INPP5K: variants seen among roughly 807,000 people sequenced by gnomAD.
INPP5K encodes the protein inositol polyphosphate-5-phosphatase K.
A neutral mutation model predicts 53.5 loss-of-function variants in INPP5K; 35 were observed. That is an observed-to-expected ratio of 0.65 (90% CI 0.50 to 0.87). INPP5K has a LOEUF of 0.87. Ranked by LOEUF, INPP5K falls within the 40% of genes least tolerant of loss-of-function variation. INPP5K has a pLI of 0.00. For missense variants in INPP5K, 550 were observed against 586.2 expected, an observed-to-expected ratio of 0.94 and a Z score of 0.64; for synonymous variants, 253 against 232.8, an observed-to-expected ratio of 1.09 and a Z score of -0.79.
chr17:1,501,495 GTACT>G (rs2075012210), intron 7 of INPP5K, among the ~76,000 whole-genome samples: 1 of 152,228 alleles, frequency 6.6e-6, no homozygotes, highest in African/African-American at 2.4e-5. Context: ...GGTGATAACA[GTACT>G]TACTTCAAAG....
At position 1,507,024 on chromosome 17, in the gene INPP5K, C is replaced by A; in HGVS notation, c.732G>T (p.Pro244=). 1 of 1,613,958 alleles carries A rather than the reference C, an allele frequency of 6.2e-7. No homozygotes were observed. Among genetic ancestry groups the A allele is most frequent in the Non-Finnish European group, 8.5e-7 (1 of 1,179,938 alleles). ...REFQEGRLLF[P]PTYKFDRNSN... ...AGTTCCTATCAAACTTGTAGGTGGG[C>A]GGGAAGAGTAGGCGGCCCTCCTGGA... is the stretch of plus-strand genomic sequence containing the variant. Residue 244 remains proline (P), a synonymous_variant, in exon 7 of 12, where the codon CCG becomes CCT. Transcript: ENST00000421807.
At chr17:1,503,699 C>G (rs1567554637) in intron 7 of INPP5K, among the ~76,000 whole-genome samples, 1 of 152,054 alleles carries the variant, frequency 6.6e-6, no homozygotes, top group Non-Finnish European at 1.5e-5. Flanking sequence ...GCCTGGGTGA[C>G]AAGAAGAAAA....
Position 1,508,196 on chromosome 17 carries a change from A to G in INPP5K, c.585T>C (p.Phe195=). 1.2e-6 allele frequency: 2 copies of G among 1,614,048 alleles called. No homozygotes were observed. Among genetic ancestry groups the G allele is most frequent in the Non-Finnish European group, 1.7e-6 (2 of 1,179,956 alleles). The change falls in exon 6 of 12, where the codon TTT becomes TTC. Residue 195 remains phenylalanine, a synonymous_variant. Transcript: ENST00000421807. ...AGTGCAACCCAAAGTCCTCGATCCG[A>G]AAGTTCATGTCTCCAAACCAGATAA... ...DLIIWFGDMN[F]RIEDFGLHFV...
At chr17:1,508,874 G>T in intron 5 of INPP5K, 1 of 313,106 alleles carries the variant, frequency 3.2e-6, no homozygotes. Context: ...ACGGTCTGCA[G>T]ACCCAGGCTC....
intron 7 of INPP5K, among the ~76,000 whole-genome samples, chr17:1,500,219 C>T (rs962814947): frequency 6.6e-6 from 1 of 152,264 alleles, no homozygotes; most frequent in Non-Finnish European, 1.5e-5. Flanking sequence ...CTTCATCTCA[C>T]ACCACTTCCC....
At position 1,497,981 on chromosome 17, in the gene INPP5K, G is replaced by A. The variant is rs776009748; in HGVS notation, c.918C>T (p.Tyr306=). Residue 306 remains tyrosine (Y), a synonymous_variant, in exon 8 of 12, where the codon TAC becomes TAT. Coordinates refer to ENST00000421807, the MANE Select transcript of INPP5K (RefSeq NM_016532.4). ...SLRGYSSHMT[Y]GISDHKPVSG... ...AGACAGGCTTGTGGTCGCTGATGCC[G>A]TACGTCATGTGGCTGCTGTAGCCCC... 20 of 1,613,930 alleles carry A rather than the reference G, an allele frequency of 1.2e-5. No individual in the cohort carries two copies. Among genetic ancestry groups the A allele is most frequent in the South Asian group, 4.4e-5 (4 of 91,090 alleles).
rs1427050311 is a variant in INPP5K at position 1,494,962 on chromosome 17, G to GA, written c.*860_*861insT. The GA allele has an allele frequency of 6.6e-6, 1 of 152,274 alleles. No homozygotes were observed. The allele number at this position is 152,274 out of a possible 1,614,324, so 9.4% of individuals were successfully genotyped here. A position where few individuals can be genotyped will look rare whatever the true frequency, so the allele number is the denominator to read the frequency against. On this transcript the variant is annotated 3_prime_UTR_variant, in exon 12 of 12. Transcript: ENST00000421807. ...TGAGGTCCCGGGGGGTCCAGGGGGG[G>GA]CCCGTCGTCAATGGCTCCTGACAAG...
At position 1,494,946 on chromosome 17, in the gene INPP5K, G is replaced by A. The variant is rs4790156; in HGVS notation, c.*877C>T. ...CTGCCTGCCCCCACTCTGAGGTCCC[G>A]GGGGGTCCAGGGGGGGCCCGTCGTC... On this transcript the variant is annotated 3_prime_UTR_variant, in exon 12 of 12. Coordinates refer to ENST00000421807, the MANE Select transcript of INPP5K (RefSeq NM_016532.4). The A allele has an allele frequency of 0.028, 4,214 of 152,400 alleles. 138 individuals carry two copies. Among genetic ancestry groups the A allele is most frequent in the Admixed American group, 0.096 (1,467 of 15,296 alleles). The allele number at this position is 152,400 out of a possible 1,614,324, so 9.4% of individuals were successfully genotyped here.
In INPP5K at chr17:1,498,112, GT is replaced by G. The variant is rs1567548291; in HGVS notation, c.786del (p.Lys262AsnfsTer14). On this transcript the variant is annotated frameshift_variant, in exon 8 of 12. Transcript: ENST00000421807. LOFTEE classifies it high-confidence loss of function. ...ATGCGATCGGTCCATGCAGGCTTGC[GT>G]TTTTTCTCACTGCAGGGGCAGGGGG... is the stretch of plus-strand genomic sequence containing the variant. Reference protein sequence around the residue: ...NSNDYDTSEKKRKPAWTDRIL... With the variant: ...NSNDYDTSEKXRKPAWTDRIL... The G allele has an allele frequency of 1.2e-6, 2 of 1,600,960 alleles. No homozygotes were observed. Among genetic ancestry groups the G allele is most frequent in the Non-Finnish European group, 1.7e-6 (2 of 1,170,612 alleles).
intron 9 of INPP5K, 80 bp downstream of exon 9, chr17:1,496,586 C>G (rs1337400001): frequency 6.4e-7 from 1 of 1,570,686 alleles, no homozygotes; most frequent in African/African-American, 1.3e-5. Flanking sequence ...TCGTCAGCAT[C>G]TGCCCAGCTC....
At position 1,496,292 on chromosome 17, in the gene INPP5K, G is replaced by T. The variant is rs114221242; in HGVS notation, c.1185+27C>A. Reference sequence around the variant, plus strand: ...AGTGCTGAGGCAGGCCTGCCTGCTGGTGATGTACCTGGTGCTGGTGACGTA... The same window carrying T: ...AGTGCTGAGGCAGGCCTGCCTGCTGTTGATGTACCTGGTGCTGGTGACGTA... On this transcript the variant is annotated intron_variant, in intron 10 of 11. Coordinates refer to ENST00000421807, the MANE Select transcript of INPP5K (RefSeq NM_016532.4). 9.4e-4 allele frequency: 1,453 copies of T among 1,547,050 alleles called. 8 individuals carry two copies. In the African/African-American group the frequency reaches 0.016, roughly 18 times the overall value.
intron 6 of INPP5K, 77 bp from the exon 7 acceptor site, chr17:1,507,166 C>T: frequency 1.9e-6 from 2 of 1,042,578 alleles, no homozygotes; most frequent in South Asian, 1.4e-5. Flanking sequence ...TTCAAGGGAT[C>T]AGCACATGCC....
intron 3 of INPP5K, among the ~76,000 whole-genome samples, chr17:1,511,416 C>G (rs927179207): frequency 6.6e-6 from 1 of 152,172 alleles, no homozygotes; most frequent in Non-Finnish European, 1.5e-5. Flanking sequence ...CACCGGCACC[C>G]GAGGAGCCGT....
Position 1,496,754 on chromosome 17 carries a change from A to G in INPP5K, c.1013T>C (p.Leu338Pro), listed in dbSNP as rs780072040. 2.5e-6 allele frequency: 4 copies of G among 1,614,182 alleles called. 1 individual carries two copies. The South Asian group carries it at 4.4e-5, about 18-fold the overall frequency. ...APLIVLMPED[L>P]WTVENDMMVS... Reference sequence around the variant, plus strand: ...CATCATGTCATTTTCCACGGTCCACAGGTCCTCGGGCATCAGGACGATCAG... The same window carrying G: ...CATCATGTCATTTTCCACGGTCCACGGGTCCTCGGGCATCAGGACGATCAG... The change falls in exon 9 of 12, where the codon CTG becomes CCG. Residue 338 changes from leucine to proline, a missense_variant. Physicochemically the swap from Leu to Pro is moderately conservative, Grantham distance 98 (BLOSUM62 -3). Coordinates refer to ENST00000421807, the MANE Select transcript of INPP5K (RefSeq NM_016532.4).
At chr17:1,503,007 A>C (rs574119065) in intron 7 of INPP5K, among the ~76,000 whole-genome samples, 1 of 151,982 alleles carries the variant, frequency 6.6e-6, no homozygotes, top group East Asian at 1.9e-4. Flanking sequence ...CTCCCACCCC[A>C]GTCTCCTGAG....
In INPP5K at chr17:1,495,756, C is replaced by G. The variant is rs1345635908; in HGVS notation, c.*67G>C. On this transcript the variant is annotated 3_prime_UTR_variant, in exon 12 of 12. Coordinates refer to ENST00000421807, the MANE Select transcript of INPP5K (RefSeq NM_016532.4). ...GGGCCAGGCTGGGCCCCCAGCACTC[C>G]CGGCAGTGGAAAGGCAGAGCTGGCT... 4 of 1,221,914 alleles carry G rather than the reference C, an allele frequency of 3.3e-6. No individual in the cohort carries two copies. In the African/African-American group the frequency reaches 6.0e-5, roughly 18 times the overall value. The allele number at this position is 1,221,914 out of a possible 1,614,324, so 75.7% of individuals were successfully genotyped here. A position where few individuals can be genotyped will look rare whatever the true frequency, so the allele number is the denominator to read the frequency against.
intron 7 of INPP5K, among the ~76,000 whole-genome samples, chr17:1,498,508 C>T (rs1208427577): frequency 6.6e-6 from 1 of 152,156 alleles, no homozygotes. Flanking sequence ...GCCCTGCATA[C>T]TAGAAGTATG....
intron 7 of INPP5K, chr17:1,498,330 T>C (rs1235690001): frequency 1.5e-5 from 7 of 456,310 alleles, no homozygotes; most frequent in Non-Finnish European, 2.8e-5. Flanking sequence ...CTTGTCAGAC[T>C]TAGCCAGGAC....
intron 5 of INPP5K, 90 bp downstream of exon 5, chr17:1,509,088 G>T: frequency 1.0e-6 from 1 of 960,942 alleles, no homozygotes; most frequent in Non-Finnish European, 1.5e-6. Flanking sequence ...AGGGCGGGGA[G>T]CGGTCTGCAG....
Sources: allele counts gnomAD v4.1 joint callset (sites outside exome capture counted in the v4.1 genomes callset), GRCh38; gene constraint gnomAD v4.1.1; transcripts MANE v1.5; gene names NCBI Gene and HGNC (gene_info 2026-07-23, HGNC 2026-07-21).